SELENOI: variants seen among roughly 807,000 people sequenced by gnomAD.
SELENOI encodes the protein ethanolaminephosphotransferase 1.
In SELENOI, 24 loss-of-function variants were observed where a neutral mutation model predicts 50.7. The observed-to-expected ratio is 0.47, with a 90% CI of 0.34 to 0.67. The LOEUF is 0.67. SELENOI is among the 30% of genes least tolerant of loss of function. SELENOI has a pLI of 0.01. For missense variants in SELENOI, 352 were observed against 461.4 expected (o/e 0.76, Z 2.17); for synonymous variants, 155 against 170.2 (o/e 0.91, Z 0.70).
intron 1 of SELENOI, among the ~76,000 whole-genome samples, chr2:26,356,471 T>G (rs1056718273): frequency 3.3e-5 from 5 of 152,232 alleles, no homozygotes; most frequent in African/African-American, 1.2e-4. Flanking sequence ...GACATACTTT[T>G]AGGTCCAAGA....
intron 3 of SELENOI, among the ~76,000 whole-genome samples, chr2:26,366,688 C>T (rs1677292657): frequency 6.6e-6 from 1 of 152,154 alleles, no homozygotes; most frequent in Non-Finnish European, 1.5e-5. Context: ...ATGCCCAAAT[C>T]ATTCAGTTGA....
rs143597656 is a variant in SELENOI, at chr2:26,354,971, C to T, written c.57+8682C>T. Reference sequence around the variant, plus strand: ...ATAATTAGCTTTTGGACTAATATTACGTTAAAAAGTTTCCACATACCAGCT... The same window carrying T: ...ATAATTAGCTTTTGGACTAATATTATGTTAAAAAGTTTCCACATACCAGCT... On this transcript the variant is annotated intron_variant, in intron 1 of 9. Coordinates refer to ENST00000260585, the MANE Select transcript of SELENOI (RefSeq NM_033505.4). Among the ~76,000 whole-genome samples the T allele has an allele frequency of 4.3e-4, 66 of 152,226 alleles. 1 individual carries two copies. The highest frequency in any genetic ancestry group is 8.1e-4 in the Non-Finnish European group (55 of 68,018).
intron 1 of SELENOI, 74 bp downstream of exon 1, chr2:26,346,363 G>C (rs1463951140): frequency 2.7e-6 from 4 of 1,497,824 alleles, no homozygotes; most frequent in African/African-American, 1.4e-5. Flanking sequence ...CGCGCGGCGC[G>C]GTCCGTGTCA....
chr2:26,375,733 G>A (rs1677554192), intron 6 of SELENOI, among the ~76,000 whole-genome samples: 1 of 152,046 alleles, frequency 6.6e-6, no homozygotes, highest in African/African-American at 2.4e-5. Context: ...GGTTATTTAG[G>A]GGCCCCAGGA....
intron 1 of SELENOI, among the ~76,000 whole-genome samples, 152 bp from the exon 2 acceptor site, chr2:26,364,150 C>A (rs1677239451): frequency 7.0e-6 from 1 of 143,304 alleles, no homozygotes; most frequent in African/African-American, 2.6e-5. Flanking sequence ...TTCCTGGGCT[C>A]AAGTGATCCT....
chr2:26,379,133 G>A (rs568082238), intron 6 of SELENOI, among the ~76,000 whole-genome samples: 13 of 152,232 alleles, frequency 8.5e-5, no homozygotes, highest in Admixed American at 3.9e-4. Context: ...GTGTGGTGGC[G>A]TATGCCTGTA....
rs1481547036 is a variant in SELENOI, at chr2:26,386,400, T to C, written c.959T>C (p.Leu320Ser). 6.2e-7 allele frequency: 1 copy of C among 1,613,994 alleles called. No individual in the cohort carries two copies. The change falls in exon 9 of 10, where the codon TTG (leucine) becomes TCG (serine). Residue 320 changes from leucine to serine, a missense_variant. Coordinates refer to ENST00000260585, the MANE Select transcript of SELENOI (RefSeq NM_033505.4). Reference protein sequence around the residue: ...CQMSSTRCPTLNWLLVPLFLV... With the variant: ...CQMSSTRCPTSNWLLVPLFLV... ...ATGAGTAGTACCCGGTGTCCAACTT[T>C]GAATTGGTTGCTGGTTCCTCTCTTC...
chr2:26,346,806 G>C (rs981906178), intron 1 of SELENOI: 2 of 153,142 alleles, frequency 1.3e-5, no homozygotes, highest in African/African-American at 4.8e-5. Context: ...AGGGCCACCA[G>C]ATGAAAGGGA....
intron 1 of SELENOI, among the ~76,000 whole-genome samples, chr2:26,354,599 G>C (rs1261437135): frequency 8.6e-5 from 13 of 151,804 alleles, no homozygotes; most frequent in African/African-American, 3.1e-4. Flanking sequence ...CACCGTGTTA[G>C]CTAGGATGGT....
intron 5 of SELENOI, 67 bp downstream of exon 5, chr2:26,373,696 C>T (rs1677506259): frequency 6.7e-6 from 10 of 1,493,278 alleles, no homozygotes; most frequent in South Asian, 1.3e-5. Flanking sequence ...TTTGTCATTG[C>T]TTATTTATTG....
In SELENOI at chr2:26,389,780, T is replaced by C; in HGVS notation, c.*677T>C. 1 of 152,398 alleles carries C rather than the reference T, an allele frequency of 6.6e-6. No homozygotes were observed. The highest frequency in any genetic ancestry group is 1.9e-4 in the East Asian group (1 of 5,188). The allele number at this position is 152,398 out of a possible 1,614,324, so 9.4% of individuals were successfully genotyped here. A position where few individuals can be genotyped will look rare whatever the true frequency, so the allele number is the denominator to read the frequency against. ...TTTGAGAATGGGTTGTAATTATCGC[T>C]CACCCATTGGGATGGTTCATTGTTT... On this transcript the variant is annotated 3_prime_UTR_variant, in exon 10 of 10. Coordinates refer to ENST00000260585, the MANE Select transcript of SELENOI (RefSeq NM_033505.4).
chr2:26,349,854 TCCCAACACTTCCG>T (rs1676916202), intron 1 of SELENOI, among the ~76,000 whole-genome samples: 1 of 130,090 alleles, frequency 7.7e-6, no homozygotes, highest in African/African-American at 2.9e-5. Context: ...ATGCCTGTAA[TCCCAACACTTCCG>T]GAGGCTGAGG....
chr2:26,372,253 C>T (rs1350932905), intron 4 of SELENOI, among the ~76,000 whole-genome samples: 1 of 152,206 alleles, frequency 6.6e-6, no homozygotes, highest in East Asian at 1.9e-4. Context: ...GCTGGGATTA[C>T]AGGTGTGCAC....
At chr2:26,377,633 A>G (rs1306879992) in intron 6 of SELENOI, among the ~76,000 whole-genome samples, 2 of 149,258 alleles carry the variant, frequency 1.3e-5, no homozygotes, top group African/African-American at 4.9e-5. Context: ...CCCTGTCTCA[A>G]AAAAAAAAAA....
intron 5 of SELENOI, 63 bp downstream of exon 5, chr2:26,373,692 A>G: frequency 1.3e-6 from 2 of 1,523,792 alleles, no homozygotes; most frequent in Non-Finnish European, 8.9e-7. Context: ...AGCTTTTGTC[A>G]TTGCTTATTT....
rs1311765472 is a variant in SELENOI at position 26,393,179 on chromosome 2, T to C, written c.*4076T>C. ...ACATTGGCAGGCAGTTATTGTAGGG[T>C]ATATGGTTAATCACGATTGTCTAAC... On this transcript the variant is annotated 3_prime_UTR_variant, in exon 10 of 10. Transcript: ENST00000260585. 1 of 152,596 alleles carries C rather than the reference T, an allele frequency of 6.6e-6. No individual in the cohort carries two copies. Among genetic ancestry groups the C allele is most frequent in the African/African-American group, 2.4e-5 (1 of 41,416 alleles). 9.5% of individuals were successfully genotyped at this position (152,596 alleles called of 1,614,324 possible). A position where few individuals can be genotyped will look rare whatever the true frequency, so the allele number is the denominator to read the frequency against.
At chr2:26,370,449 C>T (rs1327427614) in intron 4 of SELENOI, among the ~76,000 whole-genome samples, 1 of 151,494 alleles carries the variant, frequency 6.6e-6, no homozygotes, top group Non-Finnish European at 1.5e-5. Context: ...GCAGAGGCAC[C>T]CCTCACCTCC....
chr2:26,364,448 A>C, intron 2 of SELENOI, 78 bp downstream of exon 2: 1 of 915,052 alleles, frequency 1.1e-6, no homozygotes, highest in Non-Finnish European at 1.7e-6. Context: ...AGTATTATAA[A>C]TGCAACTCTC....
chr2:26,387,311 T>G (rs943117303), intron 9 of SELENOI, among the ~76,000 whole-genome samples: 2 of 152,194 alleles, frequency 1.3e-5, no homozygotes, highest in African/African-American at 4.8e-5. Flanking sequence ...CTGTGCAATA[T>G]TCCACCAAGG....
Sources: gnomAD v4.1 joint callset for allele counts (sites outside exome capture counted in the v4.1 genomes callset) on GRCh38, gnomAD v4.1.1 for gene constraint, MANE v1.5 for transcripts, NCBI Gene and HGNC (gene_info 2026-07-23, HGNC 2026-07-21) for gene names.